Variants in NPAS3 observed in about 807,000 individuals in gnomAD.
The protein encoded by NPAS3 is neuronal PAS domain-containing protein 3.
A neutral mutation model predicts 73.1 loss-of-function variants in NPAS3; 14 were observed. That is an observed-to-expected ratio of 0.19 (90% CI 0.13 to 0.30). NPAS3 has a LOEUF of 0.30. NPAS3 is among the 10% of genes least tolerant of loss of function. The pLI, the probability that NPAS3 is intolerant of heterozygous loss-of-function variation, is 1.00. For missense variants in NPAS3, 1,096 were observed against 1,250.0 expected (o/e 0.88, Z 1.86); for synonymous variants, 620 against 541.5 (o/e 1.14, Z -2.01).
intron 4 of NPAS3, among the ~76,000 whole-genome samples, chr14:33,379,596 C>G (rs932116923): frequency 1.3e-5 from 2 of 152,060 alleles, no homozygotes; most frequent in African/African-American, 4.8e-5. Context: ...TATCTTGGAC[C>G]CAAAACTCAG....
chr14:33,562,899 G>GCGCACACA (rs1555412944), intron 5 of NPAS3, among the ~76,000 whole-genome samples: 5 of 149,824 alleles, frequency 3.3e-5, no homozygotes, highest in East Asian at 4.0e-4. Flanking sequence ...TCTTTTATGA[G>GCGCACACA]CACACACACA....
intron 6 of NPAS3, among the ~76,000 whole-genome samples, chr14:33,686,077 G>A (rs2060080846): frequency 6.6e-6 from 1 of 152,186 alleles, no homozygotes; most frequent in Non-Finnish European, 1.5e-5. Context: ...AAATAAATAT[G>A]GTAAAGAAAT....
intron 4 of NPAS3, among the ~76,000 whole-genome samples, chr14:33,471,543 C>T (rs2050782148): frequency 6.6e-6 from 1 of 152,086 alleles, no homozygotes. Flanking sequence ...GGATGTGGAA[C>T]ATGAAGGAGA....
At chr14:33,695,306 T>G (rs1253109432) in intron 6 of NPAS3, among the ~76,000 whole-genome samples, 1 of 152,236 alleles carries the variant, frequency 6.6e-6, no homozygotes, top group Non-Finnish European at 1.5e-5. Context: ...TACCAACACA[T>G]GTCCACTGCT....
intron 1 of NPAS3, among the ~76,000 whole-genome samples, chr14:33,033,130 CA>C (rs2040050978): frequency 6.6e-6 from 1 of 152,006 alleles, no homozygotes; most frequent in South Asian, 2.1e-4. Context: ...AAAGTAGAAA[CA>C]AAATTAAATT....
chr14:33,690,034 CT>C (rs2060192249), intron 6 of NPAS3, among the ~76,000 whole-genome samples: 1 of 152,162 alleles, frequency 6.6e-6, no homozygotes, highest in Non-Finnish European at 1.5e-5. Context: ...GATATTTTCT[CT>C]TTTTATCTGG....
intron 1 of NPAS3, among the ~76,000 whole-genome samples, chr14:33,025,536 T>C (rs1175491664): frequency 6.6e-6 from 1 of 152,172 alleles, no homozygotes; most frequent in Non-Finnish European, 1.5e-5. Flanking sequence ...CAGGGAGATC[T>C]TAATAAGTTT....
intron 5 of NPAS3, among the ~76,000 whole-genome samples, chr14:33,650,891 C>A (rs913787760): frequency 6.6e-6 from 1 of 152,162 alleles, no homozygotes. Context: ...CAGGCCAGAA[C>A]CGACAGACTT....
At chr14:33,299,859 T>C (rs2042457969) in intron 3 of NPAS3, among the ~76,000 whole-genome samples, 1 of 152,200 alleles carries the variant, frequency 6.6e-6, no homozygotes, top group South Asian at 2.1e-4. Flanking sequence ...AGGTTCAATA[T>C]AGTAGTTTCT....
intron 3 of NPAS3, among the ~76,000 whole-genome samples, chr14:33,269,704 T>G (rs928763741): frequency 6.6e-6 from 1 of 151,902 alleles, no homozygotes; most frequent in South Asian, 2.1e-4. Flanking sequence ...GCCTCTGATA[T>G]ACAAAACAAT....
chr14:33,306,952 G>A (rs542867236), intron 3 of NPAS3, among the ~76,000 whole-genome samples: 5 of 152,268 alleles, frequency 3.3e-5, no homozygotes, highest in African/African-American at 1.2e-4. Context: ...AGAAGCAAAC[G>A]AGGCCTCCTC....
intron 9 of NPAS3, chr14:33,781,010 T>C (rs984593275): frequency 9.0e-5 from 15 of 166,798 alleles, no homozygotes; most frequent in Non-Finnish European, 2.6e-5. Context: ...CTTAAACACA[T>C]GAAAAACAAA....
In NPAS3 at chr14:33,315,538, G is replaced by A. The variant is rs1218412669; in HGVS notation, c.386-51648G>A. On this transcript the variant is annotated intron_variant, in intron 3 of 11. Transcript: ENST00000356141. The stretch of plus-strand genomic sequence containing the variant: ...GGAGTGTGTTTGTGTGTGTGTATGT[G>A]TGTGTGGTTGGGAGGGTAGCAGTGA... Among the ~76,000 whole-genome samples the A allele has an allele frequency of 2.6e-5, 4 of 151,838 alleles. No individual in the cohort carries two copies. The East Asian group carries it at 7.8e-4, about 30-fold the overall frequency.
At chr14:33,024,470 T>C (rs1174121259) in intron 1 of NPAS3, among the ~76,000 whole-genome samples, 1 of 152,042 alleles carries the variant, frequency 6.6e-6, no homozygotes, top group Non-Finnish European at 1.5e-5. Flanking sequence ...GCGCCTGGCC[T>C]CCCAAGTAAT....
intron 3 of NPAS3, among the ~76,000 whole-genome samples, chr14:33,330,978 C>T (rs2043957758): frequency 6.6e-6 from 1 of 152,152 alleles, no homozygotes; most frequent in Non-Finnish European, 1.5e-5. Context: ...AAAGAGGAAA[C>T]AAAAGTTGCC....
chr14:33,003,734 A>G (rs546546452), intron 1 of NPAS3, among the ~76,000 whole-genome samples: 10 of 152,382 alleles, frequency 6.6e-5, no homozygotes, highest in African/African-American at 2.2e-4. Context: ...AGGGGAAAAT[A>G]CAAAGCATTG....
chr14:33,785,116 A>C (rs1490630062), intron 9 of NPAS3, among the ~76,000 whole-genome samples: 1 of 151,772 alleles, frequency 6.6e-6, no homozygotes, highest in Non-Finnish European at 1.5e-5. Flanking sequence ...TGCTCTTATA[A>C]GGCACGATCA....
At chr14:33,308,114 T>C (rs952076830) in intron 3 of NPAS3, among the ~76,000 whole-genome samples, 4 of 152,114 alleles carry the variant, frequency 2.6e-5, no homozygotes, top group Admixed American at 6.5e-5. Flanking sequence ...GGTATCTGAA[T>C]AGAACTGCTT....
At chr14:32,948,971 G>T (rs77958380) in intron 1 of NPAS3, among the ~76,000 whole-genome samples, 7 of 151,898 alleles carry the variant, frequency 4.6e-5, no homozygotes, top group Non-Finnish European at 8.8e-5. Flanking sequence ...TTAATTCTTC[G>T]CTATGGTCAG....
Sources: gnomAD v4.1 joint callset for allele counts (sites outside exome capture counted in the v4.1 genomes callset) on GRCh38, gnomAD v4.1.1 for gene constraint, MANE v1.5 for transcripts, NCBI Gene and HGNC (gene_info 2026-07-23, HGNC 2026-07-21) for gene names.